KCNIP1: variants seen among roughly 807,000 people sequenced by gnomAD.
KCNIP1 encodes the protein A-type potassium channel modulatory protein KCNIP1.
In KCNIP1, 18 loss-of-function variants were observed where a neutral mutation model predicts 33.0. The observed-to-expected ratio is 0.55, with a 90% CI of 0.38 to 0.81. The LOEUF is 0.81. KCNIP1 is among the 30% of genes least tolerant of loss of function. The pLI is 0.00. For synonymous variants in KCNIP1, 93 were observed against 98.3 expected (o/e 0.95, Z 0.32); for missense variants, 238 against 271.6 (o/e 0.88, Z 0.87).
chr5:170,633,713 CGG>C (rs1299703518), intron 1 of KCNIP1, among the ~76,000 whole-genome samples: 2 of 29,324 alleles, frequency 6.8e-5, no homozygotes, highest in Admixed American at 4.1e-4. Flanking sequence ...GGCGAGGGGG[CGG>C]GGGGGCGGAG....
chr5:170,731,130 A>G (rs1339766393), intron 5 of KCNIP1, among the ~76,000 whole-genome samples: 1 of 152,222 alleles, frequency 6.6e-6, no homozygotes, highest in Non-Finnish European at 1.5e-5. Context: ...GGCAAGATCC[A>G]CTGAAAGATA....
At chr5:170,583,417 G>T (rs1757870575) in intron 1 of KCNIP1, among the ~76,000 whole-genome samples, 1 of 150,752 alleles carries the variant, frequency 6.6e-6, no homozygotes, top group Admixed American at 6.6e-5. Context: ...TCGAGATCGT[G>T]GTGGTGATGA....
chr5:170,631,178 C>A lies in KCNIP1; in HGVS notation c.62-87580C>A, dbSNP rs375325966. On this transcript the variant is annotated intron_variant, in intron 1 of 7. Transcript: ENST00000328939. ...TTGCCTGGTACAAGAGAGAGAACTT[C>A]CAGTGTGTAGGGGCTGTTGTCCTAA... Among the ~76,000 whole-genome samples, 38 of 152,260 alleles carry A rather than the reference C, an allele frequency of 2.5e-4. No homozygotes were observed. In the East Asian group the frequency reaches 7.1e-3, roughly 29 times the overall value.
At chr5:170,401,695 A>G (rs1002497318) in intron 1 of KCNIP1, among the ~76,000 whole-genome samples, 1 of 151,970 alleles carries the variant, frequency 6.6e-6, no homozygotes, top group African/African-American at 2.4e-5. Flanking sequence ...CCAGGAAGTC[A>G]AGGCTGCAGT....
At chr5:170,614,395 T>C (rs1759290511) in intron 1 of KCNIP1, among the ~76,000 whole-genome samples, 2 of 152,222 alleles carry the variant, frequency 1.3e-5, no homozygotes, top group African/African-American at 4.8e-5. Flanking sequence ...TGCATTCCAG[T>C]GGTGCCATCT....
At chr5:170,424,597 T>C (rs1022615035) in intron 1 of KCNIP1, among the ~76,000 whole-genome samples, 1 of 152,032 alleles carries the variant, frequency 6.6e-6, no homozygotes, top group African/African-American at 2.4e-5. Flanking sequence ...TAGATACTGA[T>C]CCAAAGGATT....
intron 1 of KCNIP1, among the ~76,000 whole-genome samples, chr5:170,392,366 T>A (rs1374939753): frequency 6.6e-6 from 1 of 152,174 alleles, no homozygotes; most frequent in Non-Finnish European, 1.5e-5. Context: ...TTCATGCCCC[T>A]GCGTTTTGGG....
At chr5:170,451,034 A>G (rs1329143570) in intron 1 of KCNIP1, among the ~76,000 whole-genome samples, 2 of 152,174 alleles carry the variant, frequency 1.3e-5, no homozygotes, top group African/African-American at 4.8e-5. Context: ...GTTGCTGAGA[A>G]AGAGGCAAGC....
In KCNIP1 at chr5:170,721,874, A is replaced by G; in HGVS notation, c.298A>G (p.Thr100Ala). The part of the protein sequence containing the change: ...YAHYLFNAFD[T>A]TQTGSVKFED... ...CCATTACCTCTTCAATGCCTTCGAC[A>G]CCACTCAGACAGGCTCCGTGAAGTT... Residue 100 changes from threonine (T) to alanine (A), a missense_variant, in exon 4 of 8, where the codon ACC becomes GCC. Transcript: ENST00000328939. 6.2e-7 allele frequency: 1 copy of G among 1,614,058 alleles called. No individual in the cohort carries two copies. The highest frequency in any genetic ancestry group is 1.3e-5 in the African/African-American group (1 of 74,996).
At chr5:170,366,362 G>A (rs537220225) in intron 1 of KCNIP1, among the ~76,000 whole-genome samples, 1 of 152,342 alleles carries the variant, frequency 6.6e-6, no homozygotes, top group Non-Finnish European at 1.5e-5. Flanking sequence ...TGCACCCTGG[G>A]TCAGAGCCCC....
At chr5:170,608,290 C>T (rs566859254) in intron 1 of KCNIP1, among the ~76,000 whole-genome samples, 1 of 152,342 alleles carries the variant, frequency 6.6e-6, no homozygotes, top group African/African-American at 2.4e-5. Flanking sequence ...GGGGAACAGG[C>T]TCCCAACTCT....
At chr5:170,612,023 T>C (rs1191750327) in intron 1 of KCNIP1, among the ~76,000 whole-genome samples, 2 of 152,224 alleles carry the variant, frequency 1.3e-5, no homozygotes, top group African/African-American at 4.8e-5. Context: ...AAGTGAATAA[T>C]GGCCCCACAC....
chr5:170,499,680 G>A (rs184487228), upstream of KCNIP1, among the ~76,000 whole-genome samples: 5 of 152,326 alleles, frequency 3.3e-5, no homozygotes, highest in Non-Finnish European at 7.3e-5. Flanking sequence ...ACTGAGTAGG[G>A]AGGAAGGAGG....
At chr5:170,717,011 C>T (rs956215397) in intron 1 of KCNIP1, among the ~76,000 whole-genome samples, 2 of 152,112 alleles carry the variant, frequency 1.3e-5, no homozygotes, top group African/African-American at 4.8e-5. Flanking sequence ...TGGGCCGTAC[C>T]CAGGGAATTC....
At chr5:170,382,039 C>T (rs557995461) in intron 1 of KCNIP1, among the ~76,000 whole-genome samples, 1 of 152,264 alleles carries the variant, frequency 6.6e-6, no homozygotes, top group Admixed American at 6.5e-5. Context: ...TCCCAGGCAC[C>T]CTGCCCCTTC....
intron 1 of KCNIP1, among the ~76,000 whole-genome samples, chr5:170,676,593 T>A (rs1484388328): frequency 6.6e-6 from 1 of 152,134 alleles, no homozygotes; most frequent in Admixed American, 6.6e-5. Flanking sequence ...GAGGCCCCTA[T>A]CAAATTAGTT....
At chr5:170,645,241 A>G (rs1468056478) in intron 1 of KCNIP1, among the ~76,000 whole-genome samples, 1 of 152,236 alleles carries the variant, frequency 6.6e-6, no homozygotes, top group Non-Finnish European at 1.5e-5. Flanking sequence ...CGCCTCAGTC[A>G]GGCTTTAAAT....
chr5:170,355,805 C>G (rs1310364593), intron 1 of KCNIP1, among the ~76,000 whole-genome samples: 1 of 152,248 alleles, frequency 6.6e-6, no homozygotes, highest in African/African-American at 2.4e-5. Context: ...ACAGAAGGGA[C>G]TCCGTGGGGA....
intron 1 of KCNIP1, among the ~76,000 whole-genome samples, chr5:170,580,709 G>C (rs1038615556): frequency 6.6e-6 from 1 of 152,208 alleles, no homozygotes; most frequent in African/African-American, 2.4e-5. Context: ...CTCATGGCAG[G>C]AGATGAGCAG....
Sources: gnomAD v4.1 joint callset for allele counts (sites outside exome capture counted in the v4.1 genomes callset) on GRCh38, gnomAD v4.1.1 for gene constraint, MANE v1.5 for transcripts, NCBI Gene and HGNC (gene_info 2026-07-23, HGNC 2026-07-21) for gene names.